Variants in GIN1 observed in about 807,000 individuals in gnomAD.
GIN1 encodes the protein gypsy retrotransposon integrase-like protein 1.
GIN1 carries 41 observed loss-of-function variants against 51.4 expected under a neutral mutation model. The observed-to-expected ratio is 0.80, with a 90% CI of 0.62 to 1.04. GIN1 has a LOEUF of 1.04. Among genes scored for constraint, GIN1 ranks in the 50% least tolerant of loss-of-function variants. The pLI, the probability that GIN1 is intolerant of heterozygous loss-of-function variation, is 0.00. For synonymous variants in GIN1, 222 were observed against 206.5 expected (o/e 1.07, Z -0.64); for missense variants, 610 against 612.4 (o/e 1.00, Z 0.04).
chr5:103,106,939 T>G (rs1365839955), intron 2 of GIN1, 30 bp from the exon 3 acceptor site: 14 of 1,257,878 alleles, frequency 1.1e-5, no homozygotes, highest in Non-Finnish European at 1.5e-5. Context: ...AAGATAGAAT[T>G]GCAATTTTTA....
intron 1 of GIN1, among the ~76,000 whole-genome samples, chr5:103,118,769 C>T (rs1180437008): frequency 1.2e-5 from 1 of 85,282 alleles, no homozygotes; most frequent in Non-Finnish European, 3.1e-5. Flanking sequence ...TTTCAAAGCC[C>T]ATACATATGA....
chr5:103,101,284 C>T (rs1019060876), intron 4 of GIN1, among the ~76,000 whole-genome samples: 1 of 152,132 alleles, frequency 6.6e-6, no homozygotes, highest in Non-Finnish European at 1.5e-5. Flanking sequence ...ATATGCTAGA[C>T]AAAGAGATGA....
Position 103,104,851 on chromosome 5 carries a change from A to C in GIN1, c.334-5T>G. ...GCAATGCTGACAAGCATATACCTAC[A>C]ACAGGCACACAATAAAGAAAACACA... On this transcript the variant is annotated splice_region_variant and splice_polypyrimidine_tract_variant and intron_variant, in intron 3 of 7. Transcript: ENST00000399004. The C allele has an allele frequency of 6.5e-7, 1 of 1,546,616 alleles. No homozygotes were observed. Among genetic ancestry groups the C allele is most frequent in the Non-Finnish European group, 8.8e-7 (1 of 1,135,150 alleles).
At chr5:103,097,538 G>A in intron 5 of GIN1, 48 bp from the exon 6 acceptor site, 1 of 1,488,712 alleles carries the variant, frequency 6.7e-7, no homozygotes, top group South Asian at 1.2e-5. Flanking sequence ...ACATTTATCT[G>A]GCCAAGAAAT....
At chr5:103,117,362 A>T (rs557651338) in intron 1 of GIN1, among the ~76,000 whole-genome samples, 12 of 77,592 alleles carry the variant, frequency 1.5e-4, no homozygotes, top group African/African-American at 5.6e-4. Context: ...AAATAATTTT[A>T]AAAAATTAAA....
Position 103,086,297 on chromosome 5 carries a change from A to C in GIN1, c.*1601T>G, listed in dbSNP as rs1787074023. ...CCCTATTGAAATATGATCTCAACTA[A>C]TTACACTTGCAACAACCTCATTTCC... On this transcript the variant is annotated 3_prime_UTR_variant, in exon 8 of 8. Transcript: ENST00000399004. 2 of 152,150 alleles carry C rather than the reference A, an allele frequency of 1.3e-5. No individual in the cohort carries two copies. Among genetic ancestry groups the C allele is most frequent in the Non-Finnish European group, 2.9e-5 (2 of 68,040 alleles). 9.4% of individuals were successfully genotyped at this position (152,150 alleles called of 1,614,324 possible).
intron 3 of GIN1, among the ~76,000 whole-genome samples, chr5:103,105,323 T>C (rs1350156672): frequency 5.3e-5 from 8 of 152,254 alleles, no homozygotes; most frequent in African/African-American, 1.2e-4. Flanking sequence ...GACCATCTTA[T>C]TGGGTCTTAT....
chr5:103,097,440 A>G lies in GIN1; in HGVS notation c.882T>C (p.Tyr294=), dbSNP rs551096117. ...GAAGACTATCTGAAGTCTCAGGCAT[A>G]TAAGGATTTCGACTAAACATTTGAA... The part of the protein sequence containing the change: ...PYFQMFSRNP[Y]MPETSDSLHE... The change falls in exon 6 of 8, where the codon TAT becomes TAC. Residue 294 remains tyrosine, a synonymous_variant. Coordinates refer to ENST00000399004, the MANE Select transcript of GIN1 (RefSeq NM_017676.2). 1.9e-5 allele frequency: 30 copies of G among 1,582,074 alleles called. No individual in the cohort carries two copies. Among genetic ancestry groups the G allele is most frequent in the African/African-American group, 6.7e-5 (5 of 74,354 alleles).
Position 103,097,685 on chromosome 5 carries a change from T to C in GIN1, c.736A>G (p.Ile246Val), listed in dbSNP as rs544410318. The C allele has an allele frequency of 3.1e-6, 5 of 1,603,150 alleles. No individual in the cohort carries two copies. Among genetic ancestry groups the C allele is most frequent in the East Asian group, 2.2e-5 (1 of 44,808 alleles). Residue 246 changes from isoleucine (I) to valine (V), a missense_variant, in exon 5 of 8, where the codon ATC becomes GTC. Ile to Val is a conservative substitution (Grantham distance 29). Coordinates refer to ENST00000399004, the MANE Select transcript of GIN1 (RefSeq NM_017676.2). ...VNPTESTPNTIKAFLSKHCAD... is the reference protein window; with the variant it reads ...VNPTESTPNTVKAFLSKHCAD... ...CAGTGTTTGGAGAGAAATGCTTTGA[T>C]TGTGTTAGGTGTACTTTCCGTTGGG...
chr5:103,116,108 A>T (rs529512836), intron 1 of GIN1, among the ~76,000 whole-genome samples: 1 of 152,250 alleles, frequency 6.6e-6, no homozygotes, highest in East Asian at 1.9e-4. Flanking sequence ...GGAACCCTCA[A>T]GCTCTTTTGC....
rs903567301 is a variant in GIN1 at position 103,108,485 on chromosome 5, C to T, written c.139+84G>A. 1.2e-5 allele frequency: 11 copies of T among 914,842 alleles called. No individual in the cohort carries two copies. The African/African-American group carries it at 1.8e-4, about 15-fold the overall frequency. 56.7% of individuals were successfully genotyped at this position (914,842 alleles called of 1,614,324 possible). A position where few individuals can be genotyped will look rare whatever the true frequency, so the allele number is the denominator to read the frequency against. On this transcript the variant is annotated intron_variant, in intron 2 of 7. Transcript: ENST00000399004. Reference sequence around the variant, plus strand: ...GTAATTGTTTAGCAACAACCAACTACTACAGAAATTCCCAAACTTCCACAA... The same window carrying T: ...GTAATTGTTTAGCAACAACCAACTATTACAGAAATTCCCAAACTTCCACAA...
chr5:103,095,455 C>T (rs1787365940), intron 7 of GIN1, among the ~76,000 whole-genome samples: 1 of 152,164 alleles, frequency 6.6e-6, no homozygotes, highest in Non-Finnish European at 1.5e-5. Context: ...CCACTCTGCA[C>T]CCACACCTGG....
intron 1 of GIN1, among the ~76,000 whole-genome samples, chr5:103,113,570 G>A: frequency 6.8e-6 from 1 of 147,312 alleles, no homozygotes; most frequent in South Asian, 2.1e-4. Context: ...CGCCCAGGCT[G>A]GAGTGCAGTG....
At position 103,106,741 on chromosome 5, in the gene GIN1, G is replaced by T; in HGVS notation, c.308C>A (p.Ser103Tyr). The change falls in exon 3 of 8, where the codon TCT becomes TAT. Residue 103 changes from serine to tyrosine, a missense_variant. By Grantham distance (144) the Ser-to-Tyr change is moderately radical. Coordinates refer to ENST00000399004, the MANE Select transcript of GIN1 (RefSeq NM_017676.2). The stretch of plus-strand genomic sequence containing the variant: ...CCACTGTTTGACATCATTGGTCACA[G>T]ATGTCCAATAATAATTGGATTCTAC... ...TLVESNYYWT[S>Y]VTNDVKQWVY... The T allele has an allele frequency of 6.3e-7, 1 of 1,593,384 alleles. No homozygotes were observed. Among genetic ancestry groups the T allele is most frequent in the Non-Finnish European group, 8.6e-7 (1 of 1,167,706 alleles).
intron 7 of GIN1, among the ~76,000 whole-genome samples, chr5:103,089,545 C>T (rs1303182008): frequency 6.6e-6 from 1 of 152,066 alleles, no homozygotes; most frequent in Non-Finnish European, 1.5e-5. Context: ...CATCCTTGAC[C>T]TTCTGGGCTC....
chr5:103,104,461 T>G, intron 4 of GIN1, 80 bp downstream of exon 4: 1 of 673,162 alleles, frequency 1.5e-6, no homozygotes, highest in Non-Finnish European at 2.6e-6. Flanking sequence ...CACTCTGTAA[T>G]ATAATGCAGA....
intron 7 of GIN1, among the ~76,000 whole-genome samples, chr5:103,088,540 C>A (rs946626406): frequency 6.6e-6 from 1 of 152,170 alleles, no homozygotes; most frequent in African/African-American, 2.4e-5. Flanking sequence ...TGCCTGTAAT[C>A]TCAGCACTTT....
intron 7 of GIN1, among the ~76,000 whole-genome samples, chr5:103,095,728 C>T (rs1015743055): frequency 6.6e-5 from 10 of 152,172 alleles, no homozygotes; most frequent in African/African-American, 2.4e-4. Flanking sequence ...TCAAAACCAG[C>T]CTGGCCAACA....
At chr5:103,099,936 CT>C (rs2151467569) in intron 4 of GIN1, among the ~76,000 whole-genome samples, 1 of 152,194 alleles carries the variant, frequency 6.6e-6, no homozygotes, top group Non-Finnish European at 1.5e-5. Flanking sequence ...TCAGTATTTG[CT>C]GACAAAAGAG....
Sources: allele counts gnomAD v4.1 joint callset (sites outside exome capture counted in the v4.1 genomes callset), GRCh38; gene constraint gnomAD v4.1.1; transcripts MANE v1.5; gene names NCBI Gene and HGNC (gene_info 2026-07-23, HGNC 2026-07-21).